Variants in ASB7 observed in about 807,000 individuals in gnomAD.
ASB7 encodes the protein ankyrin repeat and SOCS box protein 7.
In ASB7, 4 loss-of-function variants were observed where a neutral mutation model predicts 32.5. That is an observed-to-expected ratio of 0.12 (90% CI 0.06 to 0.28). ASB7 has a LOEUF of 0.28. Ranked by LOEUF, ASB7 falls within the 10% of genes least tolerant of loss-of-function variation. The pLI, the probability that ASB7 is intolerant of heterozygous loss-of-function variation, is 1.00. For synonymous variants in ASB7, 172 were observed against 155.6 expected (o/e 1.11, Z -0.78); for missense variants, 181 against 407.1 (o/e 0.44, Z 4.78).
At position 100,648,193 on chromosome 15, in the gene ASB7, G is replaced by A. The variant is rs113960819; in HGVS notation, c.818-130G>A. The A allele has an allele frequency of 3.0e-4, 288 of 972,632 alleles. 2 individuals carry two copies. In the African/African-American group the frequency reaches 3.8e-3, roughly 13 times the overall value. 60.3% of individuals were successfully genotyped at this position (972,632 alleles called of 1,614,324 possible). On this transcript the variant is annotated intron_variant, in intron 5 of 5. Coordinates refer to ENST00000332783, the MANE Select transcript of ASB7 (RefSeq NM_198243.3). ...GAAGGTCCTAGGACACTTTGAGTTG[G>A]TATCTTTCCGGTCCTTTGCATGTCA... is the stretch of plus-strand genomic sequence containing the variant.
chr15:100,639,230 G>C (rs2039945109), intron 5 of ASB7, among the ~76,000 whole-genome samples: 1 of 152,192 alleles, frequency 6.6e-6, no homozygotes, highest in Non-Finnish European at 1.5e-5. Flanking sequence ...AAGACAGTCT[G>C]TCAGGTACTT....
At chr15:100,643,762 G>A (rs2039979079) in intron 5 of ASB7, among the ~76,000 whole-genome samples, 1 of 151,248 alleles carries the variant, frequency 6.6e-6, no homozygotes, top group Non-Finnish European at 1.5e-5. Flanking sequence ...CAAAGTGCTG[G>A]GATTACAGAC....
chr15:100,620,458 G>T (rs1005193985), intron 4 of ASB7, among the ~76,000 whole-genome samples: 7 of 152,320 alleles, frequency 4.6e-5, no homozygotes, highest in Admixed American at 6.5e-5. Context: ...GCGTCAAAAT[G>T]ATGAAAACTT....
chr15:100,648,775 A>G lies in ASB7; in HGVS notation c.*313A>G, dbSNP rs116261359. ...TTTCTTAAATGACACAAGCAGGTTT[A>G]GAGTGGAGAATTTACCCTTTCCAAA... On this transcript the variant is annotated 3_prime_UTR_variant, in exon 6 of 6. Transcript: ENST00000332783. 5.4e-3 allele frequency: 972 copies of G among 180,348 alleles called. 8 individuals are homozygous for G. Among genetic ancestry groups the G allele is most frequent in the African/African-American group, 0.022 (931 of 42,692 alleles). The allele number at this position is 180,348 out of a possible 1,614,324, so 11.2% of individuals were successfully genotyped here.
chr15:100,647,423 A>G (rs1470525834), intron 5 of ASB7, among the ~76,000 whole-genome samples: 1 of 152,254 alleles, frequency 6.6e-6, no homozygotes, highest in East Asian at 1.9e-4. Context: ...AATATATATT[A>G]GCTTTATTAT....
Position 100,650,214 on chromosome 15 carries a change from AACTAGCTGG to A in ASB7, c.*1754_*1762del, listed in dbSNP as rs1417997425. 8 of 152,222 alleles carry A rather than the reference AACTAGCTGG, an allele frequency of 5.3e-5. No homozygotes were observed. Among genetic ancestry groups the A allele is most frequent in the African/African-American group, 1.9e-4 (8 of 41,438 alleles). 9.4% of individuals were successfully genotyped at this position (152,222 alleles called of 1,614,324 possible). ...GTGGCCAGTTCTATAACCATCCCCA[AACTAGCTGG>A]AGCCTGATGGATAGGAACGGGTAGT... On this transcript the variant is annotated 3_prime_UTR_variant, in exon 6 of 6. Transcript: ENST00000332783.
At chr15:100,635,444 G>T (rs945787417) in intron 5 of ASB7, among the ~76,000 whole-genome samples, 1 of 152,116 alleles carries the variant, frequency 6.6e-6, no homozygotes, top group East Asian at 1.9e-4. Flanking sequence ...AGAAACTGAG[G>T]TAAACAGTCC....
At chr15:100,614,554 T>TGG (rs1442855655) in intron 4 of ASB7, among the ~76,000 whole-genome samples, 1 of 151,984 alleles carries the variant, frequency 6.6e-6, no homozygotes, top group Non-Finnish European at 1.5e-5. Flanking sequence ...TGTAAACTAA[T>TGG]GGGTGTGGCT....
chr15:100,648,499 C>T lies in ASB7; in HGVS notation c.*37C>T. ...TGTGAGCAAGATTAGGAGTTCTATT[C>T]TAGATACTTAAAAGGCTTTTTGCCT... is the stretch of plus-strand genomic sequence containing the variant. On this transcript the variant is annotated 3_prime_UTR_variant, in exon 6 of 6. Transcript: ENST00000332783. The T allele has an allele frequency of 6.5e-7, 1 of 1,539,564 alleles. No individual in the cohort carries two copies. Among genetic ancestry groups the T allele is most frequent in the Non-Finnish European group, 8.8e-7 (1 of 1,130,636 alleles).
rs377170934 is a variant in ASB7 at position 100,612,312 on chromosome 15, G to C, written c.96G>C (p.Lys32Asn). The change falls in exon 4 of 6, where the codon AAG becomes AAC. Residue 32 changes from lysine (K) to asparagine (N), a missense_variant. Transcript: ENST00000332783. ...VAAGDVHTVR[K>N]MLEQGYSPNG... Reference sequence around the variant, plus strand: ...CTGGGGATGTCCACACAGTGCGAAAGATGCTAGAACAAGGCTATTCCCCGA... The same window carrying C: ...CTGGGGATGTCCACACAGTGCGAAACATGCTAGAACAAGGCTATTCCCCGA... 1.9e-6 allele frequency: 3 copies of C among 1,614,004 alleles called. No individual in the cohort carries two copies. The African/African-American group carries it at 4.0e-5, about 22-fold the overall frequency.
rs144981063 is a variant in ASB7 at position 100,629,236 on chromosome 15, G to C, written c.212-201G>C. On this transcript the variant is annotated intron_variant, in intron 4 of 5. Transcript: ENST00000332783. This position sits in a 1 kb window ranked among gnomAD's most constrained non-coding sequence, Gnocchi z 6.8. ...TTGTCTTTCTCCTTTCATTAACCCA[G>C]ACGTGATAACATTCTACAAAATTTA... Among the ~76,000 whole-genome samples, 1 of 152,318 alleles carries C rather than the reference G, an allele frequency of 6.6e-6. No individual in the cohort carries two copies. The highest frequency in any genetic ancestry group is 1.5e-5 in the Non-Finnish European group (1 of 68,028).
chr15:100,631,119 A>G (rs1319066645), intron 5 of ASB7, among the ~76,000 whole-genome samples: 1 of 152,216 alleles, frequency 6.6e-6, no homozygotes, highest in Admixed American at 6.5e-5. Context: ...TGCAATTATT[A>G]TCACTAATGT....
At chr15:100,614,742 C>CAAAAAA (rs58705118) in intron 4 of ASB7, among the ~76,000 whole-genome samples, 4 of 57,188 alleles carry the variant, frequency 7.0e-5, no homozygotes, top group African/African-American at 1.2e-4. Flanking sequence ...AGCTGATGAG[C>CAAAAAA]AAAAAAAAAA....
intron 5 of ASB7, among the ~76,000 whole-genome samples, chr15:100,637,601 C>T (rs1306718382): frequency 6.6e-6 from 1 of 152,110 alleles, no homozygotes; most frequent in African/African-American, 2.4e-5. Context: ...CAAGGTGAAC[C>T]AATGGATTTT....
chr15:100,638,938 C>T (rs2039943132), intron 5 of ASB7, among the ~76,000 whole-genome samples: 1 of 152,126 alleles, frequency 6.6e-6, no homozygotes. Flanking sequence ...GAGAACAGAG[C>T]ATCTTTTACT....
chr15:100,625,516 G>T (rs1597005188), intron 4 of ASB7, among the ~76,000 whole-genome samples: 4 of 152,242 alleles, frequency 2.6e-5, no homozygotes, highest in Admixed American at 2.6e-4. Context: ...AGATATGCAT[G>T]ACGTATATAA....
intron 4 of ASB7, among the ~76,000 whole-genome samples, chr15:100,617,013 A>G (rs977366959): frequency 1.3e-5 from 2 of 152,216 alleles, no homozygotes; most frequent in African/African-American, 4.8e-5. Flanking sequence ...CCATGCCAGA[A>G]ATCTAGAAAC....
intron 5 of ASB7, among the ~76,000 whole-genome samples, chr15:100,636,651 G>T (rs750615177): frequency 6.6e-6 from 1 of 152,114 alleles, no homozygotes; most frequent in Non-Finnish European, 1.5e-5. Context: ...AGGGGAATTG[G>T]AACATAGTCC....
At position 100,613,918 on chromosome 15, in the gene ASB7, G is replaced by A. The variant is rs530505836; in HGVS notation, c.211+1491G>A. 3.9e-5 allele frequency among the ~76,000 whole-genome samples: 6 copies of A among 152,254 alleles called. No homozygotes were observed. The East Asian group carries it at 5.8e-4, about 15-fold the overall frequency. On this transcript the variant is annotated intron_variant, in intron 4 of 5. Transcript: ENST00000332783. ...TCTGTGTGGATGTAACTGGGTATAC[G>A]TTTGGTTTAGTGCTTATCCTTCTGG...
Sources: gnomAD v4.1 joint callset for allele counts (sites outside exome capture counted in the v4.1 genomes callset) on GRCh38, gnomAD v4.1.1 for gene constraint, Gnocchi (gnomAD v3.1) non-coding constraint, MANE v1.5 for transcripts, NCBI Gene and HGNC (gene_info 2026-07-23, HGNC 2026-07-21) for gene names.